Variants in RASGRF2 observed in about 807,000 individuals in gnomAD.
RASGRF2 encodes the protein Ras protein specific guanine nucleotide releasing factor 2.
In RASGRF2, 76 loss-of-function variants were observed where a neutral mutation model predicts 151.0. The observed-to-expected ratio is 0.50, with a 90% CI of 0.42 to 0.61. The LOEUF (loss-of-function observed/expected upper bound fraction) is 0.61, where lower values mean the gene tolerates loss of function less well. Ranked by LOEUF, RASGRF2 falls within the 20% of genes least tolerant of loss-of-function variation. The pLI is 0.00. For missense variants in RASGRF2, 1,148 were observed against 1,564.6 expected (o/e 0.73, Z 4.49); for synonymous variants, 504 against 566.5 (o/e 0.89, Z 1.57).
At chr5:81,198,202 T>G (rs1446261803) in intron 18 of RASGRF2, among the ~76,000 whole-genome samples, 1 of 152,126 alleles carries the variant, frequency 6.6e-6, no homozygotes, top group Non-Finnish European at 1.5e-5. Flanking sequence ...TGGGCTTTAT[T>G]GATCTCATCA....
Position 81,080,255 on chromosome 5 carries a change from G to C in RASGRF2, c.967+55G>C, listed in dbSNP as rs188908947. The C allele has an allele frequency of 4.9e-5, 77 of 1,571,940 alleles. No individual in the cohort carries two copies. The East Asian group carries it at 1.6e-3, about 33-fold the overall frequency. On this transcript the variant is annotated intron_variant, in intron 6 of 26. Transcript: ENST00000265080. Reference sequence around the variant, plus strand: ...TTCTTTTAGAGTGGCTGCAATTAGAGTAAAATAGCTCCAACATTATTCAGC... The same window carrying C: ...TTCTTTTAGAGTGGCTGCAATTAGACTAAAATAGCTCCAACATTATTCAGC...
chr5:80,974,410 T>C (rs1046713240), intron 1 of RASGRF2, among the ~76,000 whole-genome samples: 5 of 152,238 alleles, frequency 3.3e-5, no homozygotes, highest in Admixed American at 2.0e-4. Context: ...GCTGAGTAGC[T>C]ACAGCGCCCT....
rs1186090850 is a variant in RASGRF2 at position 80,996,543 on chromosome 5, C to T, written c.288+35517C>T. 3.1e-3 allele frequency among the ~76,000 whole-genome samples: 138 copies of T among 44,870 alleles called. 18 individuals carry two copies. The highest frequency in any genetic ancestry group is 0.012 in the African/African-American group (123 of 10,482). The allele number at this position is 44,870 out of a possible 152,430, so 29.4% of individuals were successfully genotyped here. A position where few individuals can be genotyped will look rare whatever the true frequency, so the allele number is the denominator to read the frequency against. On this transcript the variant is annotated intron_variant, in intron 1 of 26. Coordinates refer to ENST00000265080, the MANE Select transcript of RASGRF2 (RefSeq NM_006909.3). The stretch of plus-strand genomic sequence containing the variant: ...TCCCCCTCCTCCTCCTCCCCCTCCT[C>T]CTCCTCCCCCTCCTCCTCCTCCCCC...
chr5:81,145,117 C>G (rs1424078062), intron 17 of RASGRF2, among the ~76,000 whole-genome samples: 1 of 152,072 alleles, frequency 6.6e-6, no homozygotes, highest in African/African-American at 2.4e-5. Flanking sequence ...TGGCATACAT[C>G]TGTAATCCCA....
intron 2 of RASGRF2, among the ~76,000 whole-genome samples, chr5:81,057,003 A>AT (rs1409453431): frequency 3.3e-5 from 5 of 151,640 alleles, no homozygotes; most frequent in African/African-American, 1.2e-4. Flanking sequence ...CCATCCCTTT[A>AT]TTTTGAGCCT....
At chr5:81,084,112 C>T (rs549962698) in intron 7 of RASGRF2, among the ~76,000 whole-genome samples, 1 of 152,290 alleles carries the variant, frequency 6.6e-6, no homozygotes, top group South Asian at 2.1e-4. Context: ...AATCCATCTA[C>T]CTGAATCTTA....
Position 81,021,556 on chromosome 5 carries a change from G to A in RASGRF2, c.289-21321G>A, listed in dbSNP as rs560673795. Among the ~76,000 whole-genome samples, 643 of 127,368 alleles carry A rather than the reference G, an allele frequency of 5.0e-3. 6 individuals carry two copies. The highest frequency in any genetic ancestry group is 0.017 in the African/African-American group (617 of 36,284). The allele number at this position is 127,368 out of a possible 152,430, so 83.6% of individuals were successfully genotyped here. On this transcript the variant is annotated intron_variant, in intron 1 of 26. Coordinates refer to ENST00000265080, the MANE Select transcript of RASGRF2 (RefSeq NM_006909.3). ...GGCTCACATGTTCTTGAGATTGTGC[G>A]AGCGTGTGTGTGTGTGTGTGTGTGT... is the stretch of plus-strand genomic sequence containing the variant.
At position 81,113,736 on chromosome 5, in the gene RASGRF2, T is replaced by C. The variant is rs757418070; in HGVS notation, c.2286T>C (p.Thr762=). ...AGATAGGAGCATTGGACCTGACAAC[T>C]TCCAGCAGTCCCACCACCACCACCC... The part of the protein sequence containing the change: ...NSKIGALDLT[T]SSSPTTTTQS... Residue 762 remains threonine, a synonymous_variant, in exon 15 of 27, where the codon ACT becomes ACC. Coordinates refer to ENST00000265080, the MANE Select transcript of RASGRF2 (RefSeq NM_006909.3). The C allele has an allele frequency of 1.1e-5, 18 of 1,614,102 alleles. No individual in the cohort carries two copies. The highest frequency in any genetic ancestry group is 1.5e-5 in the Non-Finnish European group (18 of 1,179,988).
intron 4 of RASGRF2, among the ~76,000 whole-genome samples, chr5:81,072,071 G>A (rs1375164549): frequency 6.6e-6 from 1 of 151,844 alleles, no homozygotes; most frequent in African/African-American, 2.4e-5. Context: ...TGTTCTTTAT[G>A]TCCCATTTCA....
intron 1 of RASGRF2, among the ~76,000 whole-genome samples, chr5:81,025,072 A>G (rs13162418): frequency 0.12 from 17,699 of 152,150 alleles, 1,450 homozygotes; most frequent in African/African-American, 0.22. Context: ...CAGGACATGC[A>G]TCTCCTCTGC....
chr5:81,143,825 G>A (rs1235256799), intron 17 of RASGRF2, among the ~76,000 whole-genome samples: 1 of 151,564 alleles, frequency 6.6e-6, no homozygotes, highest in African/African-American at 2.4e-5. Flanking sequence ...GGGAGGCAGA[G>A]GTTGCAATGA....
chr5:81,076,339 C>T (rs934068357), intron 5 of RASGRF2, among the ~76,000 whole-genome samples: 7 of 152,110 alleles, frequency 4.6e-5, no homozygotes, highest in African/African-American at 1.2e-4. Context: ...CTTGCAAAGG[C>T]GAAAGTGGAC....
chr5:81,016,564 G>A (rs1014746436), intron 1 of RASGRF2, among the ~76,000 whole-genome samples: 3 of 152,144 alleles, frequency 2.0e-5, no homozygotes, highest in Non-Finnish European at 4.4e-5. Context: ...TTTTCCTGTT[G>A]TGGGAGAAAA....
chr5:81,103,248 TTA>T (rs750976493), intron 12 of RASGRF2, among the ~76,000 whole-genome samples: 4 of 152,000 alleles, frequency 2.6e-5, no homozygotes, highest in African/African-American at 9.7e-5. Context: ...AAGAGCCAGG[TTA>T]TATATATAGG....
chr5:80,992,852 T>C (rs1371978351), intron 1 of RASGRF2, among the ~76,000 whole-genome samples: 2 of 152,114 alleles, frequency 1.3e-5, no homozygotes, highest in Non-Finnish European at 2.9e-5. Flanking sequence ...ACATGAAACA[T>C]TTTCTAGAAG....
At chr5:81,210,179 G>A (rs35926115) in intron 22 of RASGRF2, 15,110 of 152,560 alleles carry the variant, frequency 0.099, 826 homozygotes, top group Admixed American at 0.14. Flanking sequence ...GTGGGTGGAT[G>A]CCTGAAAGAA....
intron 1 of RASGRF2, among the ~76,000 whole-genome samples, chr5:81,021,487 C>T (rs1007884977): frequency 3.9e-5 from 6 of 152,106 alleles, no homozygotes; most frequent in East Asian, 1.9e-4. Context: ...TAGTAATTCA[C>T]GTGTCCTCCT....
chr5:81,088,455 C>T (rs1162348282), intron 9 of RASGRF2: 1 of 152,218 alleles, frequency 6.6e-6, no homozygotes, highest in Non-Finnish European at 1.5e-5. Context: ...ACTGTAAACT[C>T]TGAAGGGCAG....
At chr5:81,220,084 C>A (rs893364589) in intron 26 of RASGRF2, among the ~76,000 whole-genome samples, 1 of 152,088 alleles carries the variant, frequency 6.6e-6, no homozygotes, top group Non-Finnish European at 1.5e-5. Flanking sequence ...CTCTAGGATG[C>A]AAAATTCATT....
Sources: gnomAD v4.1 joint callset for allele counts (sites outside exome capture counted in the v4.1 genomes callset) on GRCh38, gnomAD v4.1.1 for gene constraint, MANE v1.5 for transcripts, NCBI Gene and HGNC (gene_info 2026-07-23, HGNC 2026-07-21) for gene names.